SCML4: variants seen among roughly 807,000 people sequenced by gnomAD.
SCML4 encodes Scm polycomb group protein like 4.
SCML4 carries 34 observed loss-of-function variants against 41.1 expected under a neutral mutation model. The ratio of observed to expected loss-of-function variants is 0.83; its 90% CI spans 0.63 to 1.10. SCML4 has a LOEUF of 1.10. SCML4 is among the 50% of genes least tolerant of loss of function. SCML4 has a pLI of 0.00. For missense variants in SCML4, 522 were observed against 534.1 expected, an observed-to-expected ratio of 0.98 and a Z score of 0.22; for synonymous variants, 214 against 220.9, an observed-to-expected ratio of 0.97 and a Z score of 0.28.
At chr6:107,707,760 C>G (rs112322774) in intron 7 of SCML4, 106 bp downstream of exon 7, 2 of 1,428,768 alleles carry the variant, frequency 1.4e-6, no homozygotes, top group South Asian at 1.3e-5. Context: ...TTTAGAGCAC[C>G]CCTCCACCAC....
intron 5 of SCML4, among the ~76,000 whole-genome samples, chr6:107,731,066 G>C (rs1776491808): frequency 1.3e-5 from 2 of 152,292 alleles, no homozygotes; most frequent in South Asian, 4.2e-4. Flanking sequence ...GGTCAGGTGT[G>C]AGCCCCTGAA....
the SCML4 span, among the ~76,000 whole-genome samples, chr6:107,839,385 G>GAAAC: frequency 7.1e-6 from 1 of 141,514 alleles, no homozygotes; most frequent in African/African-American, 2.8e-5. Flanking sequence ...AAGAAAGAAA[G>GAAAC]AAAGAAAGAA....
intron 2 of SCML4, chr6:107,755,680 A>G: frequency 8.2e-7 from 1 of 1,219,832 alleles, no homozygotes; most frequent in Non-Finnish European, 1.1e-6. Context: ...AAAAAAAAAA[A>G]AGCTGTCTAT....
intron 5 of SCML4, among the ~76,000 whole-genome samples, chr6:107,741,380 G>A (rs551415030): frequency 2.6e-5 from 4 of 152,280 alleles, no homozygotes; most frequent in African/African-American, 9.6e-5. Context: ...GTGAGATCAA[G>A]GTGTACAACC....
rs35793191 is a variant in SCML4 at position 107,704,646 on chromosome 6, A to AT, written c.*553dup. The AT allele has an allele frequency of 0.013, 1,924 of 149,528 alleles. 20 individuals are homozygous for AT. Among genetic ancestry groups the AT allele is most frequent in the Admixed American group, 0.018 (265 of 14,814 alleles). The allele number at this position is 149,528 out of a possible 1,614,324, so 9.3% of individuals were successfully genotyped here. A position where few individuals can be genotyped will look rare whatever the true frequency, so the allele number is the denominator to read the frequency against. ...TTCAGATTTTCTAGGAACAGAAAAG[A>AT]TTTTTTTTTTTTTCCTTTTTCTTTC... On this transcript the variant is annotated 3_prime_UTR_variant, in exon 8 of 8. Transcript: ENST00000369020.
Position 107,749,805 on chromosome 6 carries a change from A to T in SCML4, c.165T>A (p.Ser55=). 2 of 1,614,082 alleles carry T rather than the reference A, an allele frequency of 1.2e-6. No homozygotes were observed. Among genetic ancestry groups the T allele is most frequent in the Non-Finnish European group, 1.7e-6 (2 of 1,179,992 alleles). The change falls in exon 3 of 8, where the codon TCT becomes TCA. Residue 55 remains serine, a synonymous_variant. Coordinates refer to ENST00000369020, the MANE Select transcript of SCML4 (RefSeq NM_198081.5). The stretch of plus-strand genomic sequence containing the variant: ...GGGCTAAGGGAGTCATGAGAACCCG[A>T]GACTTGATCTGGAAGAGAGAGCCCA... The part of the protein sequence containing the change: ...RGRKPGYKIK[S]RVLMTPLALS...
intron 1 of SCML4, among the ~76,000 whole-genome samples, chr6:107,806,492 T>A (rs185480631): frequency 1.3e-5 from 2 of 152,294 alleles, no homozygotes; most frequent in East Asian, 3.9e-4. Context: ...TCCACTGACA[T>A]GTTGAGATCT....
upstream of SCML4, among the ~76,000 whole-genome samples, chr6:107,826,114 C>G (rs558042074): frequency 6.6e-6 from 1 of 151,104 alleles, no homozygotes; most frequent in South Asian, 2.1e-4. Flanking sequence ...CTTGGTGGCG[C>G]TTGCCTGTAA....
intron 1 of SCML4, among the ~76,000 whole-genome samples, chr6:107,822,667 C>T (rs1785035593): frequency 6.6e-6 from 1 of 151,982 alleles, no homozygotes; most frequent in South Asian, 2.1e-4. Flanking sequence ...TATTTCAGAG[C>T]TCATCTACGT....
chr6:107,714,709 C>T (rs972055295), intron 6 of SCML4, among the ~76,000 whole-genome samples: 11 of 152,160 alleles, frequency 7.2e-5, no homozygotes, highest in African/African-American at 2.7e-4. Flanking sequence ...TATAAAACAC[C>T]TCGTTGAGCT....
rs188076734 is a variant in SCML4, at chr6:107,813,686, A to T, written c.-60+10440T>A. ...GGCACAATACAACAGAAAGAATGCC[A>T]TGACTACATGCTGCGGTTATCAGTC... On this transcript the variant is annotated intron_variant, in intron 1 of 7. Coordinates refer to ENST00000369020, the MANE Select transcript of SCML4 (RefSeq NM_198081.5). Among the ~76,000 whole-genome samples the T allele has an allele frequency of 1.7e-4, 26 of 152,246 alleles. 1 individual carries two copies. In the East Asian group the frequency reaches 4.1e-3, roughly 24 times the overall value.
intron 2 of SCML4, among the ~76,000 whole-genome samples, chr6:107,757,186 T>C (rs1203614567): frequency 1.3e-5 from 2 of 152,188 alleles, no homozygotes; most frequent in Admixed American, 6.5e-5. Context: ...CTGGGGAATT[T>C]CTGGCTCCAG....
At chr6:107,743,734 C>T (rs544830294) in intron 5 of SCML4, among the ~76,000 whole-genome samples, 2 of 152,264 alleles carry the variant, frequency 1.3e-5, no homozygotes, top group African/African-American at 4.8e-5. Flanking sequence ...TAGGTACCTT[C>T]CTTTGCAGAG....
At chr6:107,836,333 A>G in the SCML4 span, among the ~76,000 whole-genome samples, 1 of 152,194 alleles carries the variant, frequency 6.6e-6, no homozygotes, top group Non-Finnish European at 1.5e-5. Context: ...TCCTTGGGTC[A>G]GAGGGGAACT....
chr6:107,726,261 C>T (rs1775957305), intron 5 of SCML4, among the ~76,000 whole-genome samples: 4 of 151,638 alleles, frequency 2.6e-5, no homozygotes, highest in Admixed American at 2.0e-4. Flanking sequence ...GGGCTGGGCG[C>T]GGTGGCTCAC....
intron 6 of SCML4, among the ~76,000 whole-genome samples, chr6:107,711,324 T>C (rs1230096121): frequency 6.6e-6 from 1 of 152,228 alleles, no homozygotes; most frequent in Non-Finnish European, 1.5e-5. Context: ...AGAGTACATA[T>C]ACAGTCATGC....
intron 1 of SCML4, among the ~76,000 whole-genome samples, chr6:107,786,126 A>G (rs139488726): frequency 2.8e-3 from 428 of 152,336 alleles, no homozygotes; most frequent in African/African-American, 9.9e-3. Flanking sequence ...CTTCTGGAAT[A>G]ATGAAACTGA....
intron 2 of SCML4, among the ~76,000 whole-genome samples, chr6:107,751,888 C>A (rs772866785): frequency 6.6e-6 from 1 of 152,086 alleles, no homozygotes; most frequent in Non-Finnish European, 1.5e-5. Context: ...CCTGCCCTGG[C>A]CCCCAAAGTG....
At chr6:107,816,118 G>T (rs750788210) in intron 1 of SCML4, among the ~76,000 whole-genome samples, 33 of 152,176 alleles carry the variant, frequency 2.2e-4, no homozygotes, top group Non-Finnish European at 2.9e-4. Context: ...GGGCCATGTG[G>T]CCCTCAATAA....
Sources: gnomAD v4.1 joint callset for allele counts (sites outside exome capture counted in the v4.1 genomes callset) on GRCh38, gnomAD v4.1.1 for gene constraint, MANE v1.5 for transcripts, NCBI Gene and HGNC (gene_info 2026-07-23, HGNC 2026-07-21) for gene names.